ZNF423: variants seen among roughly 807,000 people sequenced by gnomAD.
ZNF423 encodes zinc finger protein 423, also known as Ebf-associated zinc finger protein.
In ZNF423, 12 loss-of-function variants were observed where a neutral mutation model predicts 95.8. That is an observed-to-expected ratio of 0.13 (90% CI 0.08 to 0.20). ZNF423 has a LOEUF of 0.20. ZNF423 is among the 10% of genes least tolerant of loss of function. The pLI, the probability that ZNF423 is intolerant of heterozygous loss-of-function variation, is 1.00. For synonymous variants in ZNF423, 749 were observed against 711.9 expected (o/e 1.05, Z -0.83); for missense variants, 1,316 against 1,737.1 (o/e 0.76, Z 4.31).
chr16:49,841,292 G>A (rs1426987796), intron 1 of ZNF423, among the ~76,000 whole-genome samples: 2 of 152,114 alleles, frequency 1.3e-5, no homozygotes, highest in African/African-American at 4.8e-5. Context: ...CTATCCCCAG[G>A]CACAATTCTG....
At chr16:49,595,661 A>G (rs950977472) in intron 5 of ZNF423, among the ~76,000 whole-genome samples, 10 of 152,258 alleles carry the variant, frequency 6.6e-5, no homozygotes, top group African/African-American at 2.4e-4. Context: ...AGATTCACTA[A>G]TCTTGAAACA....
At chr16:49,510,746 T>C (rs1967854104) in intron 7 of ZNF423, among the ~76,000 whole-genome samples, 1 of 152,226 alleles carries the variant, frequency 6.6e-6, no homozygotes, top group Non-Finnish European at 1.5e-5. Flanking sequence ...CCTCTGTGGA[T>C]GTGGAGCCGG....
chr16:49,751,958 G>T (rs578140901), intron 2 of ZNF423, among the ~76,000 whole-genome samples: 1 of 152,222 alleles, frequency 6.6e-6, no homozygotes, highest in Non-Finnish European at 1.5e-5. Context: ...ACAGCCCAGG[G>T]AGGGCAAGGT....
At position 49,490,088 on chromosome 16, in the gene ZNF423, C is replaced by CT. The variant is rs1226742352; in HGVS notation, c.*1186dup. The CT allele has an allele frequency of 6.6e-6, 1 of 152,430 alleles. No homozygotes were observed. The highest frequency in any genetic ancestry group is 1.9e-4 in the East Asian group (1 of 5,172). 9.4% of individuals were successfully genotyped at this position (152,430 alleles called of 1,614,324 possible). On this transcript the variant is annotated 3_prime_UTR_variant, in exon 8 of 8. Coordinates refer to ENST00000563137, the MANE Select transcript of ZNF423 (RefSeq NM_001379286.1). Reference sequence around the variant, plus strand: ...CCACCAGTCTCAATGCTCTCACATCCTACTGATCTCTATGACTGGGAACCT... The same window carrying CT: ...CCACCAGTCTCAATGCTCTCACATCCTTACTGATCTCTATGACTGGGAACCT...
intron 3 of ZNF423, among the ~76,000 whole-genome samples, chr16:49,643,743 C>T (rs771187874): frequency 3.6e-4 from 54 of 151,992 alleles, no homozygotes; most frequent in Non-Finnish European, 7.4e-5. Flanking sequence ...ACTAATCCTG[C>T]AAAAAGGCCA....
chr16:49,744,150 G>A lies in ZNF423; in HGVS notation c.101-13179C>T, dbSNP rs931522731. 3.3e-5 allele frequency among the ~76,000 whole-genome samples: 5 copies of A among 152,278 alleles called. No homozygotes were observed. The East Asian group carries it at 5.8e-4, about 18-fold the overall frequency. ...TCTGCCGGCTTTCTGCCGACTTCCC[G>A]TCAGTCCCCAAGAGGGTGTTTGGAG... On this transcript the variant is annotated intron_variant, in intron 2 of 7. Coordinates refer to ENST00000563137, the MANE Select transcript of ZNF423 (RefSeq NM_001379286.1).
chr16:49,833,166 C>A (rs975314442), intron 1 of ZNF423, among the ~76,000 whole-genome samples: 4 of 152,210 alleles, frequency 2.6e-5, no homozygotes, highest in African/African-American at 9.7e-5. Flanking sequence ...GGAGGTTTAT[C>A]CGCTTTCACA....
intron 2 of ZNF423, among the ~76,000 whole-genome samples, chr16:49,784,547 TG>T (rs1472908987): frequency 6.6e-6 from 1 of 152,282 alleles, no homozygotes; most frequent in South Asian, 2.1e-4. Context: ...TATAATAACA[TG>T]GATGAACCTT....
At chr16:49,643,586 G>A (rs1272466349) in intron 3 of ZNF423, among the ~76,000 whole-genome samples, 1 of 131,886 alleles carries the variant, frequency 7.6e-6, no homozygotes, top group Admixed American at 9.5e-5. Flanking sequence ...AGAAGCATGA[G>A]AAAATCAAGT....
chr16:49,761,026 G>C (rs375617737), intron 2 of ZNF423, among the ~76,000 whole-genome samples: 1 of 144,776 alleles, frequency 6.9e-6, no homozygotes, highest in African/African-American at 2.7e-5. Context: ...ACATGCACAC[G>C]TACACACACA....
intron 3 of ZNF423, among the ~76,000 whole-genome samples, chr16:49,726,434 G>C (rs1159752819): frequency 2.0e-5 from 3 of 152,142 alleles, no homozygotes; most frequent in Non-Finnish European, 4.4e-5. Flanking sequence ...GCAGTTCCTA[G>C]AGAAACTTTC....
chr16:49,854,778 G>C, intron 1 of ZNF423: 1 of 985,448 alleles, frequency 1.0e-6, no homozygotes, highest in Non-Finnish European at 1.2e-6. Flanking sequence ...GTCCCCTCGA[G>C]CTGGGGGCCC....
chr16:49,778,940 C>T (rs766927117), intron 2 of ZNF423, among the ~76,000 whole-genome samples: 23 of 152,140 alleles, frequency 1.5e-4, no homozygotes, highest in Non-Finnish European at 2.4e-4. Context: ...TATTATTCTC[C>T]CCATTTCCGA....
At chr16:49,834,015 C>A (rs756892722) in intron 1 of ZNF423, among the ~76,000 whole-genome samples, 1 of 152,182 alleles carries the variant, frequency 6.6e-6, no homozygotes, top group African/African-American at 2.4e-5. Context: ...ACAGGGCAGG[C>A]GGCAGGCTTG....
chr16:49,760,941 C>T (rs2033819836), intron 2 of ZNF423, among the ~76,000 whole-genome samples: 1 of 149,306 alleles, frequency 6.7e-6, no homozygotes, highest in African/African-American at 2.5e-5. Context: ...CACACACGTA[C>T]ACACACGCAT....
chr16:49,664,351 G>T, intron 3 of ZNF423: 1 of 947,720 alleles, frequency 1.1e-6, no homozygotes, highest in Non-Finnish European at 1.3e-6. Flanking sequence ...GAAGGGCCTT[G>T]GGGAAGAAAA....
chr16:49,731,156 AC>A, intron 2 of ZNF423, 185 bp from the exon 3 acceptor site: 1 of 478,510 alleles, frequency 2.1e-6, no homozygotes, highest in Non-Finnish European at 2.7e-6. Context: ...ATAATTCTCA[AC>A]CAGATTCTTT....
At chr16:49,854,501 G>A in intron 1 of ZNF423, 1 of 985,456 alleles carries the variant, frequency 1.0e-6, no homozygotes, top group Non-Finnish European at 1.2e-6. Flanking sequence ...GAGCAGAACT[G>A]GGCTCAGGCC....
chr16:49,527,141 C>T (rs1206516979), intron 5 of ZNF423, among the ~76,000 whole-genome samples: 1 of 152,112 alleles, frequency 6.6e-6, no homozygotes, highest in Non-Finnish European at 1.5e-5. Flanking sequence ...CCATCCCCCG[C>T]ACCCCCGGGC....
Sources: allele counts gnomAD v4.1 joint callset (sites outside exome capture counted in the v4.1 genomes callset), GRCh38; gene constraint gnomAD v4.1.1; transcripts MANE v1.5; gene names NCBI Gene and HGNC (gene_info 2026-07-23, HGNC 2026-07-21).